Variants in CDH13 observed in about 807,000 individuals in gnomAD.
CDH13 encodes the protein cadherin 13.
In CDH13, 24 loss-of-function variants were observed where a neutral mutation model predicts 63.8. That is an observed-to-expected ratio of 0.38 (90% CI 0.27 to 0.53). The LOEUF (loss-of-function observed/expected upper bound fraction) is 0.53, where lower values mean the gene tolerates loss of function less well. Ranked by LOEUF, CDH13 falls within the 20% of genes least tolerant of loss-of-function variation. CDH13 has a pLI of 0.85. For missense variants in CDH13, 1,049 were observed against 903.1 expected (o/e 1.16, Z -2.07); for synonymous variants, 503 against 355.3 (o/e 1.42, Z -4.67).
chr16:83,625,372 C>A (rs117203794), intron 8 of CDH13, among the ~76,000 whole-genome samples: 1 of 152,170 alleles, frequency 6.6e-6, no homozygotes, highest in African/African-American at 2.4e-5. Context: ...GTTTAAAGGA[C>A]GGTCCACTTC....
intron 4 of CDH13, among the ~76,000 whole-genome samples, chr16:83,213,831 C>T (rs934557710): frequency 6.6e-6 from 1 of 152,068 alleles, no homozygotes; most frequent in East Asian, 1.9e-4. Flanking sequence ...CACCAATCAG[C>T]ACTCTGTAGC....
intron 12 of CDH13, 26 bp from the exon 13 acceptor site, chr16:83,783,228 C>T (rs770618581): frequency 6.5e-7 from 1 of 1,549,682 alleles, no homozygotes; most frequent in South Asian, 1.1e-5. Context: ...CATCCACTCT[C>T]ACCAGAACCC....
intron 10 of CDH13, chr16:83,725,449 C>G (rs1172472000): frequency 6.6e-6 from 1 of 152,406 alleles, no homozygotes; most frequent in Non-Finnish European, 1.5e-5. Flanking sequence ...GACTGACATA[C>G]TGAGCACCAG....
At chr16:82,843,761 A>G (rs2039132276) in intron 1 of CDH13, among the ~76,000 whole-genome samples, 1 of 152,228 alleles carries the variant, frequency 6.6e-6, no homozygotes, top group Non-Finnish European at 1.5e-5. Flanking sequence ...CACAGTTGGA[A>G]TAAAATGTTC....
At chr16:83,275,427 A>ACAGAGC (rs1184573904) in intron 5 of CDH13, among the ~76,000 whole-genome samples, 2 of 152,196 alleles carry the variant, frequency 1.3e-5, no homozygotes, top group Non-Finnish European at 2.9e-5. Context: ...GACAGTGAGC[A>ACAGAGC]CAGAGCCCCC....
chr16:83,031,197 A>G lies in CDH13; in HGVS notation c.158-813A>G, dbSNP rs555056797. 1.4e-3 allele frequency among the ~76,000 whole-genome samples: 207 copies of G among 147,766 alleles called. 4 individuals are homozygous for G. The highest frequency in any genetic ancestry group is 5.0e-3 in the African/African-American group (200 of 40,396). On this transcript the variant is annotated intron_variant, in intron 2 of 13. Coordinates refer to ENST00000567109, the MANE Select transcript of CDH13 (RefSeq NM_001257.5). ...ACATGCGCATGTATACACCATATAC[A>G]TGCGCATGTATACACCATATACATG...
In CDH13 at chr16:83,789,929, G is replaced by A. The variant is rs1473671222; in HGVS notation, c.2135-5094G>A. ...CCGAGACCAGCTGGCCCAAGAAGCCGAAAATATTAACTCTCTGGCCCTTCC... is the reference window on the plus strand; with the variant it reads ...CCGAGACCAGCTGGCCCAAGAAGCCAAAAATATTAACTCTCTGGCCCTTCC... On this transcript the variant is annotated intron_variant, in intron 13 of 13. Coordinates refer to ENST00000567109, the MANE Select transcript of CDH13 (RefSeq NM_001257.5). 4.0e-5 allele frequency: 6 copies of A among 151,878 alleles called. No individual in the cohort carries two copies. In the East Asian group the frequency reaches 7.8e-4, roughly 20 times the overall value. The allele number at this position is 151,878 out of a possible 1,614,324, so 9.4% of individuals were successfully genotyped here.
intron 2 of CDH13, among the ~76,000 whole-genome samples, chr16:82,972,480 C>T (rs1430761270): frequency 1.3e-5 from 2 of 152,186 alleles, no homozygotes; most frequent in South Asian, 2.1e-4. Flanking sequence ...TTAGCTGAGT[C>T]TCCAGAGCAA....
chr16:83,477,959 A>G (rs930739487), intron 6 of CDH13, among the ~76,000 whole-genome samples: 4 of 152,086 alleles, frequency 2.6e-5, no homozygotes, highest in Admixed American at 6.6e-5. Flanking sequence ...AGTCGGGTGG[A>G]TCACGAGGTC....
At chr16:83,230,714 G>T (rs925635293) in intron 5 of CDH13, among the ~76,000 whole-genome samples, 4 of 152,156 alleles carry the variant, frequency 2.6e-5, no homozygotes, top group African/African-American at 9.7e-5. Flanking sequence ...TTGAACCCAG[G>T]AGGTGGAGGT....
intron 13 of CDH13, among the ~76,000 whole-genome samples, chr16:83,793,251 C>G (rs1197819423): frequency 6.6e-6 from 1 of 152,122 alleles, no homozygotes; most frequent in Non-Finnish European, 1.5e-5. Context: ...ATTGCACAGA[C>G]AAAACGTGCT....
chr16:83,715,665 G>A (rs952324597), intron 10 of CDH13, among the ~76,000 whole-genome samples: 10 of 149,174 alleles, frequency 6.7e-5, no homozygotes, highest in Admixed American at 2.0e-4. Flanking sequence ...ACAGGCAGGC[G>A]GGTCCCTCAG....
intron 8 of CDH13, among the ~76,000 whole-genome samples, chr16:83,631,729 C>G (rs117002714): frequency 0.015 from 2,293 of 152,212 alleles, 33 homozygotes; most frequent in Non-Finnish European, 0.024. Flanking sequence ...TTGGTGACTC[C>G]TAGCAGCTCC....
At chr16:83,741,610 G>T (rs762788260) in intron 10 of CDH13, among the ~76,000 whole-genome samples, 68 of 151,918 alleles carry the variant, frequency 4.5e-4, no homozygotes, top group African/African-American at 1.6e-3. Context: ...AATTTGATAC[G>T]TATATAATCT....
chr16:82,697,416 CTTTTTTCTTTT>C (rs1375857265), intron 1 of CDH13, among the ~76,000 whole-genome samples: 133 of 106,348 alleles, frequency 1.3e-3, no homozygotes, highest in African/African-American at 4.4e-3. Flanking sequence ...CAAGGCATTT[CTTTTTTCTTTT>C]TTTTTTTTTT....
chr16:83,295,794 A>G (rs1450695997), intron 5 of CDH13, among the ~76,000 whole-genome samples: 2 of 152,176 alleles, frequency 1.3e-5, no homozygotes, highest in Non-Finnish European at 2.9e-5. Flanking sequence ...GAACTATCAT[A>G]TGATTCAACA....
intron 6 of CDH13, among the ~76,000 whole-genome samples, chr16:83,365,400 G>A (rs975796811): frequency 5.3e-5 from 8 of 152,188 alleles, no homozygotes; most frequent in Admixed American, 5.2e-4. Flanking sequence ...TAATTCAAAT[G>A]GTAATCTCTT....
At chr16:83,478,608 A>G (rs2073673624) in intron 6 of CDH13, among the ~76,000 whole-genome samples, 1 of 152,196 alleles carries the variant, frequency 6.6e-6, no homozygotes, top group South Asian at 2.1e-4. Flanking sequence ...CCGCCAAAGG[A>G]GCAAGGGTTA....
chr16:82,866,680 A>C (rs1281916888), intron 2 of CDH13, among the ~76,000 whole-genome samples: 1 of 152,060 alleles, frequency 6.6e-6, no homozygotes, highest in East Asian at 1.9e-4. Flanking sequence ...TAAGAGGTTC[A>C]ATTGACTCAC....
Sources: allele counts gnomAD v4.1 joint callset (sites outside exome capture counted in the v4.1 genomes callset), GRCh38; gene constraint gnomAD v4.1.1; transcripts MANE v1.5; gene names NCBI Gene and HGNC (gene_info 2026-07-23, HGNC 2026-07-21).